The following KLHL24 variants were observed in gnomAD, a reference collection of about 807,000 sequenced individuals.
The protein encoded by KLHL24 is kelch like family member 24.
KLHL24 carries 29 observed loss-of-function variants against 53.4 expected under a neutral mutation model. The ratio of observed to expected loss-of-function variants is 0.54; its 90% confidence interval spans 0.40 to 0.74. KLHL24 has a LOEUF of 0.74. Among genes scored for constraint, KLHL24 ranks in the 30% least tolerant of loss-of-function variants. The pLI, the probability that KLHL24 is intolerant of heterozygous loss-of-function variation, is 0.00. For missense variants in KLHL24, 504 were observed against 744.0 expected (o/e 0.68, Z 3.75); for synonymous variants, 222 against 253.7 (o/e 0.88, Z 1.19).
chr3:183,668,568 C>A (rs1221466826), intron 5 of KLHL24, among the ~76,000 whole-genome samples: 1 of 152,072 alleles, frequency 6.6e-6, no homozygotes, highest in African/African-American at 2.4e-5. Context: ...GGGAGCACTC[C>A]CCAGTGTAAC....
intron 2 of KLHL24, among the ~76,000 whole-genome samples, chr3:183,646,144 C>T (rs1717196981): frequency 6.6e-6 from 1 of 151,142 alleles, no homozygotes; most frequent in African/African-American, 2.4e-5. Context: ...GCAGATGGAC[C>T]ACTTGAGGTC....
At chr3:183,670,991 A>C (rs761990418) in intron 5 of KLHL24, 43 bp from the exon 6 acceptor site, 2 of 1,423,622 alleles carry the variant, frequency 1.4e-6, no homozygotes, top group Non-Finnish European at 2.0e-6. Flanking sequence ...TTCAAAATTC[A>C]GACTTTTGAT....
At chr3:183,674,261 TTC>T (rs1234770099) in intron 7 of KLHL24, among the ~76,000 whole-genome samples, 70 of 149,164 alleles carry the variant, frequency 4.7e-4, no homozygotes, top group African/African-American at 1.7e-3. Context: ...CTTTCTTTCT[TTC>T]TTTCTTTCTT....
chr3:183,661,352 G>A (rs1274367760), intron 3 of KLHL24, among the ~76,000 whole-genome samples: 2 of 152,096 alleles, frequency 1.3e-5, no homozygotes, highest in African/African-American at 4.8e-5. Flanking sequence ...CATCTTTCCT[G>A]CCATTTTGTT....
At chr3:183,656,630 T>G (rs1264675002) in intron 3 of KLHL24, among the ~76,000 whole-genome samples, 7 of 152,144 alleles carry the variant, frequency 4.6e-5, no homozygotes, top group African/African-American at 1.7e-4. Context: ...TTCAACCCTT[T>G]TCATCTGGAG....
Position 183,650,296 on chromosome 3 carries a change from C to A in KLHL24, c.-61C>A. 2 of 1,320,410 alleles carry A rather than the reference C, an allele frequency of 1.5e-6. No homozygotes were observed. Among genetic ancestry groups the A allele is most frequent in the Admixed American group, 2.3e-5 (1 of 42,904 alleles). 81.8% of individuals were successfully genotyped at this position (1,320,410 alleles called of 1,614,324 possible). On this transcript the variant is annotated splice_region_variant and 5_prime_UTR_variant, in exon 3 of 8. Coordinates refer to ENST00000242810, the MANE Select transcript of KLHL24 (RefSeq NM_017644.3). The surrounding 1 kb of genome is among the most constrained non-coding windows in gnomAD (Gnocchi z 4.5). ...AATGTTTTCCTTTTTTTACTTTTAG[C>A]CACATAAAGAAGATCCCTAATAGTC...
At chr3:183,670,032 G>A (rs1028888239) in intron 5 of KLHL24, among the ~76,000 whole-genome samples, 6 of 152,182 alleles carry the variant, frequency 3.9e-5, no homozygotes, top group Admixed American at 3.9e-4. Context: ...TGGCTTGAGA[G>A]TGGGAGAATG....
intron 3 of KLHL24, among the ~76,000 whole-genome samples, chr3:183,654,648 T>G (rs1380288516): frequency 6.6e-6 from 1 of 152,218 alleles, no homozygotes; most frequent in African/African-American, 2.4e-5. Context: ...TCTTCCAAAC[T>G]GTTCTTTAAT....
intron 3 of KLHL24, among the ~76,000 whole-genome samples, chr3:183,659,621 A>G (rs544623975): frequency 1.8e-4 from 27 of 152,370 alleles, no homozygotes; most frequent in African/African-American, 6.5e-4. Flanking sequence ...ACAGGCTACT[A>G]AAAAGCTATC....
chr3:183,661,905 A>G (rs1719854975), intron 3 of KLHL24, among the ~76,000 whole-genome samples: 1 of 152,160 alleles, frequency 6.6e-6, no homozygotes, highest in Non-Finnish European at 1.5e-5. Flanking sequence ...ACTTTGAGGA[A>G]TATCACCTTT....
At chr3:183,675,404 A>T (rs1041294614) in intron 7 of KLHL24, among the ~76,000 whole-genome samples, 1 of 152,202 alleles carries the variant, frequency 6.6e-6, no homozygotes, top group African/African-American at 2.4e-5. Context: ...AATGAGTATT[A>T]CGTTTTCTCC....
In KLHL24 at chr3:183,666,738, G is replaced by T. The variant is rs546026351; in HGVS notation, c.1224+1699G>T. ...TGGATTTCAGATTTTTTAAGATTTGGAAAGTTCAACCTGTATATTGTCTTT... is the reference window on the plus strand; with the variant it reads ...TGGATTTCAGATTTTTTAAGATTTGTAAAGTTCAACCTGTATATTGTCTTT... On this transcript the variant is annotated intron_variant, in intron 5 of 7. Coordinates refer to ENST00000242810, the MANE Select transcript of KLHL24 (RefSeq NM_017644.3). Among the ~76,000 whole-genome samples the T allele has an allele frequency of 5.3e-5, 8 of 152,122 alleles. No individual in the cohort carries two copies. In the South Asian group the frequency reaches 1.7e-3, roughly 32 times the overall value.
intron 2 of KLHL24, among the ~76,000 whole-genome samples, chr3:183,647,181 G>A (rs910463771): frequency 6.6e-6 from 1 of 151,858 alleles, no homozygotes; most frequent in Non-Finnish European, 1.5e-5. Flanking sequence ...AGCACTTTGG[G>A]AGGACAAGGC....
rs932745671 is a variant in KLHL24, at chr3:183,669,221, G to A, written c.1225-1813G>A. 7.2e-5 allele frequency among the ~76,000 whole-genome samples: 11 copies of A among 151,920 alleles called. No individual in the cohort carries two copies. The South Asian group carries it at 8.3e-4, about 11-fold the overall frequency. On this transcript the variant is annotated intron_variant, in intron 5 of 7. Coordinates refer to ENST00000242810, the MANE Select transcript of KLHL24 (RefSeq NM_017644.3). The stretch of plus-strand genomic sequence containing the variant: ...AGGAAATATAGCCAAGCATGGTGGC[G>A]GGCACCTGTAATCCCAGCTACTCAG...
At chr3:183,671,707 C>T (rs1252449292) in intron 6 of KLHL24, among the ~76,000 whole-genome samples, 1 of 152,028 alleles carries the variant, frequency 6.6e-6, no homozygotes, top group African/African-American at 2.4e-5. Context: ...ACTTCTGGGA[C>T]GAAAGAATAT....
intron 5 of KLHL24, among the ~76,000 whole-genome samples, chr3:183,665,275 C>T (rs1720366495): frequency 1.3e-5 from 2 of 152,162 alleles, no homozygotes; most frequent in African/African-American, 4.8e-5. Flanking sequence ...TCTTCTCATG[C>T]ATCACTGAAG....
chr3:183,661,535 T>C (rs1719796054), intron 3 of KLHL24, among the ~76,000 whole-genome samples: 1 of 152,252 alleles, frequency 6.6e-6, no homozygotes, highest in Non-Finnish European at 1.5e-5. Flanking sequence ...GCAAATAGGA[T>C]ATTTAATACA....
At chr3:183,661,044 G>A (rs371686232) in intron 3 of KLHL24, among the ~76,000 whole-genome samples, 2 of 67,298 alleles carry the variant, frequency 3.0e-5, no homozygotes, top group South Asian at 3.3e-4. Flanking sequence ...CAGCCTGGGC[G>A]ACAGAGCGAG....
intron 3 of KLHL24, among the ~76,000 whole-genome samples, chr3:183,660,473 C>A (rs1719575226): frequency 6.6e-6 from 1 of 151,948 alleles, no homozygotes; most frequent in African/African-American, 2.4e-5. Context: ...CTGTTTTTAC[C>A]AGTTAGTATA....
Sources: gnomAD v4.1 joint callset for allele counts (sites outside exome capture counted in the v4.1 genomes callset) on GRCh38, gnomAD v4.1.1 for gene constraint, Gnocchi (gnomAD v3.1) non-coding constraint, MANE v1.5 for transcripts, NCBI Gene and HGNC (gene_info 2026-07-23, HGNC 2026-07-21) for gene names.